Variants in STXBP5L observed in about 807,000 individuals in gnomAD.
The protein encoded by STXBP5L is syntaxin-binding protein 5-like.
Under a neutral mutation model 144.5 loss-of-function variants are expected in STXBP5L, and 65 were observed. The observed-to-expected ratio is 0.45, with a 90% confidence interval of 0.37 to 0.55. STXBP5L has a LOEUF of 0.55. Among genes scored for constraint, STXBP5L ranks in the 20% least tolerant of loss-of-function variants. STXBP5L has a pLI of 0.00. For synonymous variants in STXBP5L, 505 were observed against 469.6 expected, an observed-to-expected ratio of 1.08 and a Z score of -0.97; for missense variants, 1,298 against 1,405.5, an observed-to-expected ratio of 0.92 and a Z score of 1.22.
At chr3:120,979,049 G>A (rs568173781) in intron 3 of STXBP5L, among the ~76,000 whole-genome samples, 1 of 152,294 alleles carries the variant, frequency 6.6e-6, no homozygotes, top group African/African-American at 2.4e-5. Flanking sequence ...CCAGCTGCAT[G>A]CTCGGAGAAC....
chr3:121,198,003 A>G (rs1272212305), intron 9 of STXBP5L, among the ~76,000 whole-genome samples: 2 of 152,260 alleles, frequency 1.3e-5, no homozygotes, highest in African/African-American at 4.8e-5. Flanking sequence ...TCCTTTGGAT[A>G]TATACCCAGG....
intron 5 of STXBP5L, among the ~76,000 whole-genome samples, chr3:121,078,466 T>C (rs2107683969): frequency 6.6e-6 from 1 of 152,352 alleles, no homozygotes; most frequent in South Asian, 2.1e-4. Context: ...CCCGCTGTCG[T>C]CACCCAGTGG....
chr3:120,909,373 C>CT (rs1010370009), intron 1 of STXBP5L, among the ~76,000 whole-genome samples, 198 bp from the exon 2 acceptor site: 14 of 152,044 alleles, frequency 9.2e-5, no homozygotes, highest in East Asian at 3.9e-4. Flanking sequence ...TTATATTTAT[C>CT]TTTTTTTAAA....
chr3:121,106,955 A>G (rs1421675330), intron 5 of STXBP5L, among the ~76,000 whole-genome samples: 1 of 152,180 alleles, frequency 6.6e-6, no homozygotes, highest in Admixed American at 6.6e-5. Flanking sequence ...GTGAGATGGT[A>G]TTACATTGTG....
chr3:121,000,335 G>C (rs1299185789), intron 3 of STXBP5L, among the ~76,000 whole-genome samples: 1 of 150,784 alleles, frequency 6.6e-6, no homozygotes, highest in Admixed American at 6.6e-5. Context: ...TTTTTTTCTT[G>C]ACTGAATAGA....
chr3:120,982,085 G>A (rs973330167), intron 3 of STXBP5L, among the ~76,000 whole-genome samples: 1 of 152,190 alleles, frequency 6.6e-6, no homozygotes, highest in African/African-American at 2.4e-5. Context: ...CCTCAACACT[G>A]TGGACTTCCA....
intron 19 of STXBP5L, 133 bp from the exon 20 acceptor site, chr3:121,318,338 ATAAT>A: frequency 2.2e-6 from 1 of 447,590 alleles, no homozygotes; most frequent in Non-Finnish European, 4.0e-6. Context: ...AAAATTCAGA[ATAAT>A]TGACGTAACT....
At chr3:121,399,052 G>A (rs1202299287) in intron 22 of STXBP5L, among the ~76,000 whole-genome samples, 5 of 152,170 alleles carry the variant, frequency 3.3e-5, no homozygotes, top group Non-Finnish European at 7.3e-5. Flanking sequence ...ATGAGGGGGT[G>A]CAGAAGGGTA....
chr3:121,004,770 A>T (rs1322905186), intron 3 of STXBP5L, among the ~76,000 whole-genome samples: 1 of 152,122 alleles, frequency 6.6e-6, no homozygotes. Context: ...AGCGTTGTTG[A>T]ATTTTGTCAA....
At chr3:121,110,439 C>G (rs1482255020) in intron 5 of STXBP5L, among the ~76,000 whole-genome samples, 1 of 152,186 alleles carries the variant, frequency 6.6e-6, no homozygotes, top group Non-Finnish European at 1.5e-5. Context: ...CAAATTCTCT[C>G]AGCATTTGCT....
chr3:121,025,469 C>G, intron 3 of STXBP5L, among the ~76,000 whole-genome samples: 1 of 152,034 alleles, frequency 6.6e-6, no homozygotes, highest in East Asian at 1.9e-4. Context: ...AGATCTGAGC[C>G]TGAGTTCTCA....
intron 9 of STXBP5L, among the ~76,000 whole-genome samples, chr3:121,173,825 A>T (rs2046826709): frequency 6.6e-6 from 1 of 151,956 alleles, no homozygotes; most frequent in Non-Finnish European, 1.5e-5. Context: ...ACACCATGCA[A>T]TTCAGTTTTT....
intron 20 of STXBP5L, among the ~76,000 whole-genome samples, chr3:121,340,468 C>T (rs1311956075): frequency 6.6e-6 from 1 of 151,946 alleles, no homozygotes; most frequent in Non-Finnish European, 1.5e-5. Flanking sequence ...TCTCCTAATG[C>T]TATCCTTCCC....
chr3:121,400,112 T>G (rs993090748), intron 22 of STXBP5L, among the ~76,000 whole-genome samples: 2 of 152,238 alleles, frequency 1.3e-5, no homozygotes, highest in Admixed American at 1.3e-4. Flanking sequence ...AGTCTTAAAA[T>G]TCTTAATAAT....
intron 9 of STXBP5L, among the ~76,000 whole-genome samples, chr3:121,202,907 T>C (rs1167739607): frequency 1.3e-5 from 2 of 152,076 alleles, no homozygotes; most frequent in Non-Finnish European, 2.9e-5. Flanking sequence ...TCTTAAAGCA[T>C]AGATAATGTT....
At chr3:120,939,795 G>A (rs911840041) in intron 2 of STXBP5L, among the ~76,000 whole-genome samples, 1 of 152,052 alleles carries the variant, frequency 6.6e-6, no homozygotes, top group South Asian at 2.1e-4. Context: ...TATTTAATCA[G>A]GTGTTTAACA....
chr3:121,354,078 A>C (rs1032861733), intron 20 of STXBP5L, among the ~76,000 whole-genome samples: 2 of 152,020 alleles, frequency 1.3e-5, no homozygotes, highest in Admixed American at 6.6e-5. Context: ...CTTTTACTTT[A>C]CTGAGGAGTG....
At chr3:120,956,865 C>A (rs966567770) in intron 3 of STXBP5L, among the ~76,000 whole-genome samples, 2 of 151,712 alleles carry the variant, frequency 1.3e-5, no homozygotes, top group African/African-American at 2.4e-5. Context: ...TCTTTTGTTG[C>A]CTGTGCTTTG....
At chr3:121,152,023 A>G (rs1054382256) in intron 7 of STXBP5L, among the ~76,000 whole-genome samples, 1 of 152,066 alleles carries the variant, frequency 6.6e-6, no homozygotes, top group African/African-American at 2.4e-5. Flanking sequence ...TTCATAAAAC[A>G]TCAGTTTAAA....
Sources: allele counts gnomAD v4.1 joint callset (sites outside exome capture counted in the v4.1 genomes callset), GRCh38; gene constraint gnomAD v4.1.1; transcripts MANE v1.5; gene names NCBI Gene and HGNC (gene_info 2026-07-23, HGNC 2026-07-21).